Variants in PHACTR1 observed in about 807,000 individuals in gnomAD.
The protein encoded by PHACTR1 is RPEL repeat containing 1.
PHACTR1 carries 16 observed loss-of-function variants against 69.2 expected under a neutral mutation model. That is an observed-to-expected ratio of 0.23 (90% CI 0.16 to 0.35). The LOEUF (loss-of-function observed/expected upper bound fraction) is 0.35. Ranked by LOEUF, PHACTR1 falls within the 10% of genes least tolerant of loss-of-function variation. PHACTR1 has a pLI of 1.00. For synonymous variants in PHACTR1, 312 were observed against 284.5 expected (o/e 1.10, Z -0.97); for missense variants, 510 against 734.7 (o/e 0.69, Z 3.54).
rs113278769 is a variant in PHACTR1 at position 12,964,964 on chromosome 6, C to T, written c.251-88401C>T. 4.0e-3 allele frequency among the ~76,000 whole-genome samples: 604 copies of T among 152,176 alleles called. 3 individuals are homozygous for T. The highest frequency in any genetic ancestry group is 0.014 in the African/African-American group (575 of 41,504). On this transcript the variant is annotated intron_variant, in intron 4 of 14. Coordinates refer to ENST00000332995, the MANE Select transcript of PHACTR1 (RefSeq NM_030948.6). ...GTTCCTGGACACCTCCACTCTGTCCCGCAGTCCCACTACCCCCGCCATGCT... is the reference window on the plus strand; with the variant it reads ...GTTCCTGGACACCTCCACTCTGTCCTGCAGTCCCACTACCCCCGCCATGCT...
chr6:13,192,102 C>T (rs1763682982), intron 7 of PHACTR1, among the ~76,000 whole-genome samples: 1 of 152,228 alleles, frequency 6.6e-6, no homozygotes, highest in Non-Finnish European at 1.5e-5. Context: ...GGTGTTCTGC[C>T]AGCCCTCATA....
intron 4 of PHACTR1, among the ~76,000 whole-genome samples, chr6:12,872,054 A>G (rs1040205606): frequency 2.6e-5 from 4 of 151,586 alleles, no homozygotes; most frequent in Admixed American, 1.3e-4. Flanking sequence ...TTAGTTATTT[A>G]TTTTGAGACA....
chr6:12,926,846 T>G (rs544005094), intron 4 of PHACTR1, among the ~76,000 whole-genome samples: 1 of 152,368 alleles, frequency 6.6e-6, no homozygotes, highest in Admixed American at 6.5e-5. Flanking sequence ...ATCTCTTTTG[T>G]GCAGCATTTA....
chr6:12,780,637 G>T (rs567838105), intron 4 of PHACTR1, among the ~76,000 whole-genome samples: 1 of 152,126 alleles, frequency 6.6e-6, no homozygotes, highest in Non-Finnish European at 1.5e-5. Context: ...GACCAACTCT[G>T]AGCGTAAACA....
intron 7 of PHACTR1, among the ~76,000 whole-genome samples, chr6:13,201,042 C>T (rs1357725095): frequency 6.6e-6 from 1 of 152,116 alleles, no homozygotes; most frequent in Non-Finnish European, 1.5e-5. Context: ...CATTGTGATT[C>T]TGATGCACCC....
chr6:12,832,008 T>G (rs1777633137), intron 4 of PHACTR1, among the ~76,000 whole-genome samples: 2 of 152,062 alleles, frequency 1.3e-5, no homozygotes, highest in South Asian at 4.1e-4. Context: ...CTCAGGAGGC[T>G]GAGGTGGAAG....
chr6:12,978,591 T>C (rs1419100712), intron 4 of PHACTR1, among the ~76,000 whole-genome samples: 1 of 152,216 alleles, frequency 6.6e-6, no homozygotes, highest in East Asian at 1.9e-4. Context: ...CCCCGCACCC[T>C]GTGTCTTAAC....
At chr6:12,914,961 G>A (rs1054915220) in intron 4 of PHACTR1, among the ~76,000 whole-genome samples, 2 of 152,204 alleles carry the variant, frequency 1.3e-5, no homozygotes, top group South Asian at 4.1e-4. Context: ...TCGGCAGCAG[G>A]AACTGGCCCT....
intron 5 of PHACTR1, among the ~76,000 whole-genome samples, chr6:13,075,644 C>A (rs556818655): frequency 6.3e-4 from 96 of 152,308 alleles, no homozygotes; most frequent in Non-Finnish European, 1.2e-3. Context: ...TTGCGGCCGT[C>A]CTTCTTTCTC....
intron 5 of PHACTR1, among the ~76,000 whole-genome samples, chr6:13,061,051 G>A (rs928714263): frequency 6.6e-6 from 1 of 152,124 alleles, no homozygotes; most frequent in African/African-American, 2.4e-5. Flanking sequence ...TCTCCTCCCT[G>A]CCAGTGGCCA....
At chr6:13,095,340 T>C (rs752750534) in intron 5 of PHACTR1, among the ~76,000 whole-genome samples, 50 of 152,234 alleles carry the variant, frequency 3.3e-4, no homozygotes, top group Non-Finnish European at 6.0e-4. Flanking sequence ...ATATTACTTT[T>C]CAGGGTGAGT....
chr6:13,055,943 T>C (rs761408704), intron 5 of PHACTR1, among the ~76,000 whole-genome samples: 9 of 152,264 alleles, frequency 5.9e-5, no homozygotes, highest in Non-Finnish European at 1.3e-4. Context: ...TTGTGACCTC[T>C]GTGGCCAGAT....
At chr6:13,002,502 A>C (rs897236161) in intron 4 of PHACTR1, among the ~76,000 whole-genome samples, 5 of 152,188 alleles carry the variant, frequency 3.3e-5, no homozygotes, top group Non-Finnish European at 7.3e-5. Flanking sequence ...CCTCAGGCTT[A>C]TATTTCCTCA....
At chr6:13,147,001 C>T (rs778965544) in intron 5 of PHACTR1, among the ~76,000 whole-genome samples, 12 of 152,232 alleles carry the variant, frequency 7.9e-5, no homozygotes, top group African/African-American at 2.9e-4. Context: ...TCAACACTTT[C>T]ATCACATGAC....
chr6:12,810,513 G>GT (rs1351554109), intron 4 of PHACTR1, among the ~76,000 whole-genome samples: 1 of 152,106 alleles, frequency 6.6e-6, no homozygotes, highest in East Asian at 1.9e-4. Flanking sequence ...GGGGTTTCTG[G>GT]TACCCCATCC....
chr6:12,937,850 C>G (rs1404062819), intron 4 of PHACTR1, among the ~76,000 whole-genome samples: 7 of 152,190 alleles, frequency 4.6e-5, no homozygotes, highest in Admixed American at 2.6e-4. Flanking sequence ...CCTATAATCC[C>G]AGCACTTTGG....
At chr6:13,278,864 G>T (rs1053156021) in intron 12 of PHACTR1, among the ~76,000 whole-genome samples, 1 of 151,836 alleles carries the variant, frequency 6.6e-6, no homozygotes. Flanking sequence ...ATGGGAGTCT[G>T]AGGTTGGAGA....
At chr6:13,259,531 A>AT (rs1291625054) in intron 10 of PHACTR1, among the ~76,000 whole-genome samples, 1 of 152,146 alleles carries the variant, frequency 6.6e-6, no homozygotes, top group East Asian at 1.9e-4. Flanking sequence ...CAGGTAAGGG[A>AT]TTTTTTTCAA....
intron 12 of PHACTR1, chr6:13,279,348 TTCTG>T (rs1779673802): frequency 1.3e-5 from 2 of 152,348 alleles, no homozygotes; most frequent in African/African-American, 2.4e-5. Context: ...CAATACTCCC[TTCTG>T]TCTGACGAAG....
Sources: gnomAD v4.1 joint callset for allele counts (sites outside exome capture counted in the v4.1 genomes callset) on GRCh38, gnomAD v4.1.1 for gene constraint, MANE v1.5 for transcripts, NCBI Gene and HGNC (gene_info 2026-07-23, HGNC 2026-07-21) for gene names.